Variants in KCND2 observed in about 807,000 individuals in gnomAD.
KCND2 encodes potassium voltage-gated channel subfamily D member 2, also known as A-type voltage-gated potassium channel KCND2.
A neutral mutation model predicts 54.4 loss-of-function variants in KCND2; 16 were observed. That is an observed-to-expected ratio of 0.29 (90% CI 0.20 to 0.45). The LOEUF is 0.45. Ranked by LOEUF, KCND2 falls within the 20% of genes least tolerant of loss-of-function variation. KCND2 has a pLI of 1.00. For missense variants in KCND2, 486 were observed against 824.2 expected, an observed-to-expected ratio of 0.59 and a Z score of 5.02; for synonymous variants, 317 against 310.7, an observed-to-expected ratio of 1.02 and a Z score of -0.21.
chr7:120,304,459 G>GC (rs1189553774), intron 1 of KCND2, among the ~76,000 whole-genome samples: 1 of 152,046 alleles, frequency 6.6e-6, no homozygotes, highest in Non-Finnish European at 1.5e-5. Context: ...TCAATGTGTG[G>GC]CCTCCATGCC....
At chr7:120,406,800 C>T (rs896333990) in intron 1 of KCND2, among the ~76,000 whole-genome samples, 1 of 151,798 alleles carries the variant, frequency 6.6e-6, no homozygotes, top group African/African-American at 2.4e-5. Flanking sequence ...GTAAAATGAT[C>T]GTTTTTAAGA....
Position 120,637,766 on chromosome 7 carries a change from G to C in KCND2, c.1116-95137G>C, listed in dbSNP as rs371367603. On this transcript the variant is annotated intron_variant, in intron 1 of 5. Coordinates refer to ENST00000331113, the MANE Select transcript of KCND2 (RefSeq NM_012281.3). ...TCACATTTCTCAAGGTGATTTAACA[G>C]CTCAAAGTGTCTTAAATCCATATCA... is the stretch of plus-strand genomic sequence containing the variant. Among the ~76,000 whole-genome samples, 7 of 152,192 alleles carry C rather than the reference G, an allele frequency of 4.6e-5. No homozygotes were observed. In the East Asian group the frequency reaches 9.6e-4, roughly 21 times the overall value.
chr7:120,621,276 C>CAAAAAAAAAAAAAAAAA (rs1175736454), intron 1 of KCND2, among the ~76,000 whole-genome samples: 3 of 47,204 alleles, frequency 6.4e-5, no homozygotes, highest in African/African-American at 2.1e-4. Flanking sequence ...GACTCCGTCT[C>CAAAAAAAAAAAAAAAAA]AAAAAAAAAA....
intron 1 of KCND2, among the ~76,000 whole-genome samples, chr7:120,560,604 G>A (rs1388211698): frequency 1.3e-5 from 2 of 152,144 alleles, no homozygotes; most frequent in African/African-American, 4.8e-5. Flanking sequence ...GCAAATGAAT[G>A]CTAAGAAAGG....
At chr7:120,436,742 C>T (rs1453669050) in intron 1 of KCND2, among the ~76,000 whole-genome samples, 1 of 152,176 alleles carries the variant, frequency 6.6e-6, no homozygotes, top group African/African-American at 2.4e-5. Context: ...CTGCAGCCTC[C>T]TTGTCCTCAT....
intron 1 of KCND2, among the ~76,000 whole-genome samples, chr7:120,366,346 G>A (rs905113424): frequency 2.0e-5 from 3 of 152,010 alleles, no homozygotes; most frequent in East Asian, 1.9e-4. Context: ...ATAGCTGGAC[G>A]TGGTGGCGCA....
intron 1 of KCND2, among the ~76,000 whole-genome samples, chr7:120,543,031 T>G (rs1352803695): frequency 6.6e-6 from 1 of 152,026 alleles, no homozygotes; most frequent in Non-Finnish European, 1.5e-5. Flanking sequence ...CACACAGCCC[T>G]CATACAGTAT....
intron 1 of KCND2, among the ~76,000 whole-genome samples, chr7:120,602,714 T>C (rs1221312896): frequency 6.6e-6 from 1 of 152,226 alleles, no homozygotes; most frequent in African/African-American, 2.4e-5. Flanking sequence ...TCTTGAGGAT[T>C]GAATGTCCAA....
chr7:120,620,226 C>T (rs762632938), intron 1 of KCND2, among the ~76,000 whole-genome samples: 7 of 151,028 alleles, frequency 4.6e-5, no homozygotes, highest in Non-Finnish European at 8.8e-5. Flanking sequence ...GAAAAATTGA[C>T]AGAATTCCAA....
intron 1 of KCND2, among the ~76,000 whole-genome samples, chr7:120,557,206 A>G (rs1241175693): frequency 6.6e-6 from 1 of 152,158 alleles, no homozygotes; most frequent in Non-Finnish European, 1.5e-5. Flanking sequence ...AGTTTAATAC[A>G]TTCAAATAAT....
intron 1 of KCND2, among the ~76,000 whole-genome samples, chr7:120,422,462 G>A (rs1455883163): frequency 6.6e-6 from 1 of 152,142 alleles, no homozygotes; most frequent in Non-Finnish European, 1.5e-5. Context: ...AAGTGGAATG[G>A]TGGTTCTCAT....
At chr7:120,628,207 C>A (rs1793186066) in intron 1 of KCND2, among the ~76,000 whole-genome samples, 1 of 152,148 alleles carries the variant, frequency 6.6e-6, no homozygotes, top group Non-Finnish European at 1.5e-5. Flanking sequence ...AGCGAACACT[C>A]AAATAACTTA....
intron 1 of KCND2, among the ~76,000 whole-genome samples, chr7:120,455,003 A>G (rs1341796467): frequency 1.3e-5 from 2 of 152,220 alleles, no homozygotes; most frequent in African/African-American, 4.8e-5. Context: ...TAAAGCAAGA[A>G]TAATGAAACA....
At chr7:120,298,408 A>G (rs1563001270) in intron 1 of KCND2, among the ~76,000 whole-genome samples, 1 of 152,182 alleles carries the variant, frequency 6.6e-6, no homozygotes, top group Non-Finnish European at 1.5e-5. Flanking sequence ...ATACCAGTCT[A>G]GTGACTAAAA....
chr7:120,372,611 TA>T (rs1159963514), intron 1 of KCND2, among the ~76,000 whole-genome samples: 1 of 151,954 alleles, frequency 6.6e-6, no homozygotes, highest in South Asian at 2.1e-4. Context: ...TTCAGTTTTT[TA>T]TAAAGAACTA....
intron 1 of KCND2, among the ~76,000 whole-genome samples, chr7:120,395,362 A>C (rs1396781203): frequency 6.6e-6 from 1 of 152,034 alleles, no homozygotes; most frequent in African/African-American, 2.4e-5. Context: ...TTTCATTTTC[A>C]AGGTAGGAAA....
chr7:120,445,349 G>A (rs1802004790), intron 1 of KCND2, among the ~76,000 whole-genome samples: 1 of 152,150 alleles, frequency 6.6e-6, no homozygotes, highest in African/African-American at 2.4e-5. Context: ...AAATTCAAAA[G>A]TAATGAATAC....
chr7:120,432,175 A>T (rs984544633), intron 1 of KCND2, among the ~76,000 whole-genome samples: 4 of 152,206 alleles, frequency 2.6e-5, no homozygotes, highest in Non-Finnish European at 5.9e-5. Flanking sequence ...TTTATTTCAA[A>T]CAGTACTCAA....
At chr7:120,397,971 AAG>A (rs1491237683) in intron 1 of KCND2, among the ~76,000 whole-genome samples, 2 of 88,580 alleles carry the variant, frequency 2.3e-5, no homozygotes, top group African/African-American at 6.7e-5. Context: ...GTGTGTATAT[AAG>A]TGTGTGTGTG....
Sources: gnomAD v4.1 joint callset for allele counts (sites outside exome capture counted in the v4.1 genomes callset) on GRCh38, gnomAD v4.1.1 for gene constraint, MANE v1.5 for transcripts, NCBI Gene and HGNC (gene_info 2026-07-23, HGNC 2026-07-21) for gene names.